ENAM: variants seen among roughly 807,000 people sequenced by gnomAD.
The protein encoded by ENAM is enamelin, also known as amelogenesis imperfecta 2, hypocalcification (autosomal dominant).
A neutral mutation model predicts 33.6 loss-of-function variants in ENAM; 21 were observed. The observed-to-expected ratio is 0.63, with a 90% confidence interval of 0.44 to 0.90. ENAM has a LOEUF of 0.90. Among genes scored for constraint, ENAM ranks in the 40% least tolerant of loss-of-function variants. ENAM has a pLI of 0.00. For synonymous variants in ENAM, 473 were observed against 468.4 expected (o/e 1.01, Z -0.13); for missense variants, 1,388 against 1,366.9 (o/e 1.02, Z -0.24).
In ENAM at chr4:70,634,394, C is replaced by A; in HGVS notation, c.297C>A (p.Pro99=). The change falls in exon 6 of 9, where the codon CCC becomes CCA. Residue 99 remains proline, a synonymous_variant. Coordinates refer to ENST00000396073, the MANE Select transcript of ENAM (RefSeq NM_031889.3). ...TGCCCATGTGGCCTCAGCCACCACC[C>A]AACACATGGCATCCACGGAAATCCT... ...YQMPMWPQPP[P]NTWHPRKSSA... The A allele has an allele frequency of 3.7e-6, 6 of 1,614,024 alleles. No individual in the cohort carries two copies. The highest frequency in any genetic ancestry group is 5.1e-6 in the Non-Finnish European group (6 of 1,180,006).
chr4:70,633,391 G>T (rs1738373096), intron 5 of ENAM, among the ~76,000 whole-genome samples: 1 of 151,926 alleles, frequency 6.6e-6, no homozygotes, highest in Non-Finnish European at 1.5e-5. Flanking sequence ...CTTTTGATTG[G>T]CTCAACTTTT....
intron 8 of ENAM, among the ~76,000 whole-genome samples, chr4:70,638,692 A>G (rs763263114): frequency 2.0e-4 from 30 of 151,792 alleles, no homozygotes; most frequent in Non-Finnish European, 3.2e-4. Flanking sequence ...TTAGCATGGC[A>G]GCCAGAGTGA....
At chr4:70,638,229 G>A (rs1243707435) in intron 8 of ENAM, among the ~76,000 whole-genome samples, 1 of 151,970 alleles carries the variant, frequency 6.6e-6, no homozygotes, top group East Asian at 1.9e-4. Flanking sequence ...CTGCTCAATG[G>A]CCTTTTTACT....
intron 4 of ENAM, 103 bp from the exon 5 acceptor site, chr4:70,632,548 T>C: frequency 1.2e-6 from 1 of 868,736 alleles, no homozygotes; most frequent in Non-Finnish European, 2.0e-6. Flanking sequence ...CACTGGGAAG[T>C]TCTAAGGTTA....
chr4:70,631,568 A>C (rs898183696), intron 2 of ENAM, 102 bp from the exon 3 acceptor site: 2 of 884,266 alleles, frequency 2.3e-6, no homozygotes, highest in African/African-American at 1.7e-5. Context: ...CCATTTCCAT[A>C]CTCTCCTTGA....
Position 70,635,856 on chromosome 4 carries a change from C to CTA in ENAM, c.498_499dup (p.Phe167TyrfsTer112). The CTA allele has an allele frequency of 6.2e-7, 1 of 1,608,546 alleles. No homozygotes were observed. The highest frequency in any genetic ancestry group is 8.5e-7 in the Non-Finnish European group (1 of 1,175,578). ...GGCATTCCCACCATTTGGAAATGGGCTATTCCCCTATCAACAACCACCATG... is the reference window on the plus strand; with the variant it reads ...GGCATTCCCACCATTTGGAAATGGGCTATATTCCCCTATCAACAACCACCATG... On this transcript the variant is annotated frameshift_variant, in exon 7 of 9. Transcript: ENST00000396073. LOFTEE classifies it high-confidence loss of function.
chr4:70,645,119 C>A lies in ENAM; in HGVS notation c.*264C>A. 1 of 554,666 alleles carries A rather than the reference C, an allele frequency of 1.8e-6. No homozygotes were observed. Among genetic ancestry groups the A allele is most frequent in the South Asian group, 2.8e-5 (1 of 36,232 alleles). The allele number at this position is 554,666 out of a possible 1,614,324, so 34.4% of individuals were successfully genotyped here. A position where few individuals can be genotyped will look rare whatever the true frequency, so the allele number is the denominator to read the frequency against. On this transcript the variant is annotated 3_prime_UTR_variant, in exon 9 of 9. Transcript: ENST00000396073. ...ATGACCATCCCTGCCTCGAAACTTGCAAGTCACTTGTCTGAGTTAGTTTCC... is the reference window on the plus strand; with the variant it reads ...ATGACCATCCCTGCCTCGAAACTTGAAAGTCACTTGTCTGAGTTAGTTTCC...
At chr4:70,634,207 T>G in intron 5 of ENAM, 101 bp from the exon 6 acceptor site, 1 of 1,179,460 alleles carries the variant, frequency 8.5e-7, no homozygotes, top group Non-Finnish European at 1.3e-6. Flanking sequence ...TTCCAGGACT[T>G]TTAAGCTCTT....
At chr4:70,633,974 G>A (rs972288287) in intron 5 of ENAM, among the ~76,000 whole-genome samples, 1 of 151,768 alleles carries the variant, frequency 6.6e-6, no homozygotes, top group South Asian at 2.1e-4. Context: ...TTCTGAATAC[G>A]ACATTAAATC....
chr4:70,640,081 TACTG>T (rs1467244599), intron 8 of ENAM, among the ~76,000 whole-genome samples: 1 of 152,206 alleles, frequency 6.6e-6, no homozygotes, highest in African/African-American at 2.4e-5. Flanking sequence ...CTAACAAACA[TACTG>T]ACTGAGTTCG....
rs780824824 is a variant in ENAM, at chr4:70,632,673, A to C, written c.191A>C (p.Asn64Thr). ...SEEMMRYNQF[N>T]FMNGPHMAHL... is the part of the protein sequence containing the mutation. ...CAGATGATGCGGTATAATCAATTCA[A>C]CTTTATGAACGGCCCACATGTAAGT... is the stretch of plus-strand genomic sequence containing the variant. The change falls in exon 5 of 9, where the codon AAC (asparagine) becomes ACC (threonine). Residue 64 changes from asparagine to threonine, a missense_variant. By Grantham distance (65) the Asn-to-Thr change is moderately conservative (BLOSUM62 0). Transcript: ENST00000396073. The C allele has an allele frequency of 1.2e-6, 2 of 1,604,502 alleles. No homozygotes were observed. The highest frequency in any genetic ancestry group is 1.7e-6 in the Non-Finnish European group (2 of 1,171,472).
In ENAM at chr4:70,643,454, C is replaced by T. The variant is rs777826010; in HGVS notation, c.2028C>T (p.Ser676=). ...AAAATAGATGGGGTGAAGAGTTGAG[C>T]TTCAAAGGAGGCCCAACAGTTAGGC... ...PGQNRWGEEL[S]FKGGPTVRHY... is the part of the protein sequence containing the mutation. The change falls in exon 9 of 9, where the codon AGC becomes AGT. Residue 676 remains serine, a synonymous_variant. Coordinates refer to ENST00000396073, the MANE Select transcript of ENAM (RefSeq NM_031889.3). The T allele has an allele frequency of 6.2e-7, 1 of 1,614,120 alleles. No homozygotes were observed. Among genetic ancestry groups the T allele is most frequent in the Non-Finnish European group, 8.5e-7 (1 of 1,180,028 alleles).
chr4:70,644,714 G>T lies in ENAM; in HGVS notation c.3288G>T (p.Leu1096Phe). 1 of 1,613,978 alleles carries T rather than the reference G, an allele frequency of 6.2e-7. No homozygotes were observed. Among genetic ancestry groups the T allele is most frequent in the Non-Finnish European group, 8.5e-7 (1 of 1,179,892 alleles). Reference protein sequence around the residue: ...SITPTENPNTLVELATEEQFK... With the variant: ...SITPTENPNTFVELATEEQFK... ...CGCCTACTGAAAATCCTAACACATT[G>T]GTTGAGTTAGCTACTGAGGAACAAT... Residue 1096 changes from leucine to phenylalanine, a missense_variant, in exon 9 of 9, where the codon TTG becomes TTT. Leu to Phe is a conservative substitution (Grantham distance 22). Transcript: ENST00000396073.
chr4:70,641,981 G>C lies in ENAM; in HGVS notation c.589-34G>C, dbSNP rs1348220114. 9 of 1,505,048 alleles carry C rather than the reference G, an allele frequency of 6.0e-6. No individual in the cohort carries two copies. The East Asian group carries it at 2.0e-4, about 34-fold the overall frequency. 93.2% of individuals were successfully genotyped at this position (1,505,048 alleles called of 1,614,324 possible). A position where few individuals can be genotyped will look rare whatever the true frequency, so the allele number is the denominator to read the frequency against. On this transcript the variant is annotated intron_variant, in intron 8 of 8. Coordinates refer to ENST00000396073, the MANE Select transcript of ENAM (RefSeq NM_031889.3). ...AAACAACACCATGGTGGGAAACAAA[G>C]GGCAATTATTGATTTCCATTTTCTT...
Position 70,645,246 on chromosome 4 carries a change from C to A in ENAM, c.*391C>A. On this transcript the variant is annotated 3_prime_UTR_variant, in exon 9 of 9. Coordinates refer to ENST00000396073, the MANE Select transcript of ENAM (RefSeq NM_031889.3). Reference sequence around the variant, plus strand: ...ACTTTCCATTCTACTTATGGAGATCCACACATCAGTATAGTCCTGATGCAC... The same window carrying A: ...ACTTTCCATTCTACTTATGGAGATCAACACATCAGTATAGTCCTGATGCAC... 7 of 248,946 alleles carry A rather than the reference C, an allele frequency of 2.8e-5. No individual in the cohort carries two copies. The highest frequency in any genetic ancestry group is 3.8e-5 in the Non-Finnish European group (5 of 131,734). 15.4% of individuals were successfully genotyped at this position (248,946 alleles called of 1,614,324 possible).
At position 70,642,238 on chromosome 4, in the gene ENAM, G is replaced by T; in HGVS notation, c.812G>T (p.Gly271Val). Residue 271 changes from glycine to valine, a missense_variant, in exon 9 of 9, where the codon GGA becomes GTA. Gly to Val is a moderately radical substitution (Grantham distance 109). Coordinates refer to ENST00000396073, the MANE Select transcript of ENAM (RefSeq NM_031889.3). ...GGAGGAAATGACACCAGCCCCACAG[G>T]AAACAGTACCCCAGGACTAAACACT... ...SQGGNDTSPT[G>V]NSTPGLNTGN... 2 of 1,614,044 alleles carry T rather than the reference G, an allele frequency of 1.2e-6. No homozygotes were observed. The highest frequency in any genetic ancestry group is 1.7e-6 in the Non-Finnish European group (2 of 1,180,008).
rs1383914823 is a variant in ENAM, at chr4:70,634,475, C to A, written c.378C>A (p.Asn126Lys). 1 of 1,614,102 alleles carries A rather than the reference C, an allele frequency of 6.2e-7. No homozygotes were observed. Among genetic ancestry groups the A allele is most frequent in the Admixed American group, 1.7e-5 (1 of 60,008 alleles). The change falls in exon 6 of 9, where the codon AAC (asparagine) becomes AAA (lysine). Residue 126 changes from asparagine to lysine, a missense_variant. Transcript: ENST00000396073. ...AGACCCAAGAAACCCAGAAACCCAA[C>A]CAGACTCAGTCAAAAAAGCCACCAC... ...TDQTQETQKP[N>K]QTQSKKPPQK...
In ENAM at chr4:70,643,168, G is replaced by C. The variant is rs1335696374; in HGVS notation, c.1742G>C (p.Gly581Ala). ...TCTCCACCTTTTAAGGAAGATCCAG[G>C]GAGGCAAGAAGAACATTTACCCCAT... ...EISPPFKEDP[G>A]RQEEHLPHPS... Residue 581 changes from glycine (G) to alanine (A), a missense_variant, in exon 9 of 9, where the codon GGG becomes GCG. Gly to Ala is a moderately conservative substitution (Grantham distance 60, BLOSUM62 0). Coordinates refer to ENST00000396073, the MANE Select transcript of ENAM (RefSeq NM_031889.3). The C allele has an allele frequency of 1.2e-6, 2 of 1,613,630 alleles. No homozygotes were observed. Among genetic ancestry groups the C allele is most frequent in the East Asian group, 4.5e-5 (2 of 44,838 alleles).
In ENAM at chr4:70,642,814, A is replaced by T. The variant is rs1441375156; in HGVS notation, c.1388A>T (p.Gln463Leu). ...NPTSPWRNSQQYEVNKSNYKL... is the reference protein window; with the variant it reads ...NPTSPWRNSQLYEVNKSNYKL... ...ACCAGCCCCTGGAGAAACTCTCAAC[A>T]GTATGAAGTTAATAAATCAAATTAT... is the stretch of plus-strand genomic sequence containing the variant. The change falls in exon 9 of 9, where the codon CAG becomes CTG. Residue 463 changes from glutamine (Q) to leucine (L), a missense_variant. Coordinates refer to ENST00000396073, the MANE Select transcript of ENAM (RefSeq NM_031889.3). 1.2e-6 allele frequency: 2 copies of T among 1,614,092 alleles called. No individual in the cohort carries two copies. The highest frequency in any genetic ancestry group is 8.5e-7 in the Non-Finnish European group (1 of 1,179,976).
Sources: gnomAD v4.1 joint callset for allele counts (sites outside exome capture counted in the v4.1 genomes callset) on GRCh38, gnomAD v4.1.1 for gene constraint, MANE v1.5 for transcripts, NCBI Gene and HGNC (gene_info 2026-07-23, HGNC 2026-07-21) for gene names.